TLL1: variants seen among roughly 807,000 people sequenced by gnomAD.
TLL1 encodes the protein tolloid like 1, also known as tolloid-like protein 1.
A neutral mutation model predicts 128.2 loss-of-function variants in TLL1; 49 were observed. That is an observed-to-expected ratio of 0.38 (90% confidence interval 0.30 to 0.48). The LOEUF is 0.48. Among genes scored for constraint, TLL1 ranks in the 20% least tolerant of loss-of-function variants. The probability of loss-of-function intolerance (pLI) is 0.96; values close to 1 mark genes in which losing one functional copy is unlikely to be tolerated. For missense variants in TLL1, 1,123 were observed against 1,242.0 expected, an observed-to-expected ratio of 0.90 and a Z score of 1.44; for synonymous variants, 454 against 418.8, an observed-to-expected ratio of 1.08 and a Z score of -1.03.
chr4:165,916,554 A>G (rs1459271467), intron 1 of TLL1, among the ~76,000 whole-genome samples: 1 of 152,226 alleles, frequency 6.6e-6, no homozygotes, highest in Non-Finnish European at 1.5e-5. Flanking sequence ...AAGCAAGTAT[A>G]GTAACATAGT....
chr4:165,993,424 T>G (rs1237475493), intron 3 of TLL1, among the ~76,000 whole-genome samples: 1 of 152,082 alleles, frequency 6.6e-6, no homozygotes, highest in East Asian at 1.9e-4. Context: ...TTTGTAGATT[T>G]TAGAGGTTTG....
chr4:165,908,673 G>A (rs1288657472), intron 1 of TLL1, among the ~76,000 whole-genome samples: 1 of 151,916 alleles, frequency 6.6e-6, no homozygotes, highest in Non-Finnish European at 1.5e-5. Flanking sequence ...GAGATACAGA[G>A]TCAGAGAGGG....
At chr4:165,876,223 CTTGGCTCAA>C (rs1224890387) in intron 1 of TLL1, among the ~76,000 whole-genome samples, 2 of 152,132 alleles carry the variant, frequency 1.3e-5, no homozygotes, top group Non-Finnish European at 2.9e-5. Flanking sequence ...AATTTACCAT[CTTGGCTCAA>C]TACAGGCAAA....
chr4:165,940,826 A>C (rs1318492067), intron 1 of TLL1, among the ~76,000 whole-genome samples: 1 of 152,028 alleles, frequency 6.6e-6, no homozygotes, highest in Non-Finnish European at 1.5e-5. Flanking sequence ...TCTGGACTGA[A>C]TATGATATTG....
chr4:166,060,132 C>A lies in TLL1; in HGVS notation c.1951C>A (p.Pro651Thr). Reference sequence around the variant, plus strand: ...GAACTGTGTGTGGCAAGTGGTTGCACCAACCCAGTACAGAATTTCTGTGAA... The same window carrying A: ...GAACTGTGTGTGGCAAGTGGTTGCAACAACCCAGTACAGAATTTCTGTGAA... ...NKNCVWQVVA[P>T]TQYRISVKFE... is the part of the protein sequence containing the mutation. Residue 651 changes from proline (P) to threonine (T), a missense_variant, in exon 15 of 21, where the codon CCA becomes ACA. Physicochemically the swap from Pro to Thr is conservative, Grantham distance 38 (BLOSUM62 -1). Transcript: ENST00000061240. The A allele has an allele frequency of 1.2e-6, 2 of 1,613,574 alleles. No individual in the cohort carries two copies. The highest frequency in any genetic ancestry group is 1.7e-6 in the Non-Finnish European group (2 of 1,179,860).
intron 12 of TLL1, among the ~76,000 whole-genome samples, chr4:166,053,899 G>T (rs943988307): frequency 2.0e-5 from 3 of 151,938 alleles, no homozygotes; most frequent in Non-Finnish European, 4.4e-5. Context: ...AGTTCTAGTG[G>T]TCAACTTCTG....
chr4:166,014,632 T>C lies in TLL1; in HGVS notation c.1042+72T>C, dbSNP rs969168770. On this transcript the variant is annotated intron_variant, in intron 8 of 20. Coordinates refer to ENST00000061240, the MANE Select transcript of TLL1 (RefSeq NM_012464.5). Reference sequence around the variant, plus strand: ...TCTTCCAGATGAATAAGCCATGATTTACTCAACTGTTTGTTTGTCTCCCTC... The same window carrying C: ...TCTTCCAGATGAATAAGCCATGATTCACTCAACTGTTTGTTTGTCTCCCTC... 7.5e-6 allele frequency: 12 copies of C among 1,597,212 alleles called. No individual in the cohort carries two copies. The African/African-American group carries it at 1.3e-4, about 18-fold the overall frequency.
intron 18 of TLL1, among the ~76,000 whole-genome samples, chr4:166,089,207 G>A (rs1305312457): frequency 6.6e-6 from 1 of 152,052 alleles, no homozygotes; most frequent in African/African-American, 2.4e-5. Flanking sequence ...TTATAATTCA[G>A]AAGCTTAGTT....
At chr4:166,087,193 T>A (rs1196902252) in intron 18 of TLL1, among the ~76,000 whole-genome samples, 1 of 152,168 alleles carries the variant, frequency 6.6e-6, no homozygotes, top group African/African-American at 2.4e-5. Context: ...TAAGCTAATG[T>A]GCTTCTATCA....
At chr4:165,922,731 ACCAGAATAT>A (rs2110890937) in intron 1 of TLL1, among the ~76,000 whole-genome samples, 1 of 152,322 alleles carries the variant, frequency 6.6e-6, no homozygotes, top group East Asian at 1.9e-4. Flanking sequence ...ACAAGTTAAA[ACCAGAATAT>A]TCAGAAATTT....
intron 1 of TLL1, among the ~76,000 whole-genome samples, chr4:165,965,659 A>G (rs1256432429): frequency 1.3e-5 from 2 of 152,210 alleles, no homozygotes; most frequent in East Asian, 3.9e-4. Flanking sequence ...TCATGTCAGC[A>G]TAGATACGTA....
intron 1 of TLL1, among the ~76,000 whole-genome samples, chr4:165,932,779 A>C (rs936997363): frequency 2.0e-5 from 3 of 152,196 alleles, no homozygotes; most frequent in Admixed American, 2.0e-4. Flanking sequence ...AAGGCCTTCT[A>C]TTTTATATGC....
intron 13 of TLL1, among the ~76,000 whole-genome samples, 182 bp downstream of exon 13, chr4:166,055,453 A>G (rs574504975): frequency 6.6e-5 from 10 of 152,320 alleles, no homozygotes; most frequent in African/African-American, 2.4e-4. Flanking sequence ...ACTTCATAGC[A>G]CAGGATAGGA....
intron 18 of TLL1, among the ~76,000 whole-genome samples, chr4:166,079,443 A>G (rs868767316): frequency 2.6e-5 from 4 of 152,100 alleles, no homozygotes; most frequent in Middle Eastern, 6.8e-3. Flanking sequence ...TTCTTTCTCC[A>G]TCTTGAATGA....
At chr4:165,932,106 C>T (rs1465681703) in intron 1 of TLL1, among the ~76,000 whole-genome samples, 1 of 151,998 alleles carries the variant, frequency 6.6e-6, no homozygotes, top group Non-Finnish European at 1.5e-5. Context: ...ACAAAGGATA[C>T]AATAAAAAGA....
At chr4:165,874,593 C>A (rs1730641652) in intron 1 of TLL1, among the ~76,000 whole-genome samples, 1 of 152,168 alleles carries the variant, frequency 6.6e-6, no homozygotes, top group African/African-American at 2.4e-5. Flanking sequence ...AGTGTGGGTT[C>A]CAGGCTAGAA....
At chr4:165,940,719 T>C (rs1443889761) in intron 1 of TLL1, among the ~76,000 whole-genome samples, 1 of 152,068 alleles carries the variant, frequency 6.6e-6, no homozygotes, top group Admixed American at 6.6e-5. Context: ...CCTATGTTAT[T>C]GTTAGGAAAG....
Position 165,994,375 on chromosome 4 carries a change from C to T in TLL1, c.362-6C>T. ...GTTTCACAGAATGTTTTAAATGTCA[C>T]TGCAGGCTTGGAGCAAAACAACACA... is the stretch of plus-strand genomic sequence containing the variant. On this transcript the variant is annotated splice_region_variant and splice_polypyrimidine_tract_variant and intron_variant, in intron 3 of 20. Coordinates refer to ENST00000061240, the MANE Select transcript of TLL1 (RefSeq NM_012464.5). 1 of 1,613,930 alleles carries T rather than the reference C, an allele frequency of 6.2e-7. No individual in the cohort carries two copies. The highest frequency in any genetic ancestry group is 8.5e-7 in the Non-Finnish European group (1 of 1,179,882).
At chr4:166,029,160 GT>G (rs1025094985) in intron 9 of TLL1, among the ~76,000 whole-genome samples, 2 of 151,520 alleles carry the variant, frequency 1.3e-5, no homozygotes, top group Admixed American at 6.6e-5. Flanking sequence ...ATTGAATTAT[GT>G]TTTTTTATCA....
Sources: gnomAD v4.1 joint callset for allele counts (sites outside exome capture counted in the v4.1 genomes callset) on GRCh38, gnomAD v4.1.1 for gene constraint, MANE v1.5 for transcripts, NCBI Gene and HGNC (gene_info 2026-07-23, HGNC 2026-07-21) for gene names.